TRMT2B: variants seen among roughly 807,000 people sequenced by gnomAD.
TRMT2B encodes tRNA methyltransferase 2B, also known as tRNA (uracil-5-)-methyltransferase homolog B.
In TRMT2B, 34 loss-of-function variants were observed where a neutral mutation model predicts 39.7. The observed-to-expected ratio is 0.86, with a 90% CI of 0.65 to 1.14. The LOEUF (loss-of-function observed/expected upper bound fraction) is 1.14. Ranked by LOEUF, TRMT2B falls within the 50% of genes most tolerant of loss-of-function variation. The pLI is 0.00. For synonymous variants in TRMT2B, 132 were observed against 137.3 expected, an observed-to-expected ratio of 0.96 and a Z score of 0.27; for missense variants, 318 against 377.2, an observed-to-expected ratio of 0.84 and a Z score of 1.30.
chrX:100,990,543 C>T, the TRMT2B span: 1 of 1,132,194 alleles, frequency 8.8e-7, no homozygotes, highest in Non-Finnish European at 1.2e-6. Context: ...CCTGTTGTTC[C>T]TGTATATCTA....
chrX:101,035,540 A>C, intron 7 of TRMT2B, 73 bp downstream of exon 7: 1 of 964,052 alleles, frequency 1.0e-6, no homozygotes, highest in Non-Finnish European at 1.5e-6. Context: ...TCTATTATCA[A>C]AATGTCAGGG....
intron 2 of TRMT2B, among the ~76,000 whole-genome samples, chrX:101,045,284 G>A (rs1346984983): frequency 2.8e-5 from 3 of 107,791 alleles, no homozygotes; most frequent in Non-Finnish European, 5.7e-5. Flanking sequence ...GAGAAACCCC[G>A]TCTCTACTAA....
At chrX:101,002,518 G>A in the TRMT2B span, among the ~76,000 whole-genome samples, 3 of 111,570 alleles carry the variant, frequency 2.7e-5, no homozygotes, top group African/African-American at 6.5e-5. Flanking sequence ...AGTGGCTCAC[G>A]CCTGTAATCC....
chrX:101,012,626 C>G (rs1461698199), intron 13 of TRMT2B, among the ~76,000 whole-genome samples: 10 of 109,746 alleles, frequency 9.1e-5, no homozygotes, highest in Non-Finnish European at 1.7e-4. Flanking sequence ...AATCATGCTG[C>G]TATAAAGACA....
chrX:100,997,715 C>T, the TRMT2B span, among the ~76,000 whole-genome samples: 1 of 111,925 alleles, frequency 8.9e-6, no homozygotes, highest in Non-Finnish European at 1.9e-5. Flanking sequence ...TAGCACTTCT[C>T]GCAGTAGTAC....
At chrX:101,025,183 T>C (rs1301059282) in intron 7 of TRMT2B, among the ~76,000 whole-genome samples, 1 of 112,026 alleles carries the variant, frequency 8.9e-6, no homozygotes, top group African/African-American at 3.2e-5. Flanking sequence ...AGTTTATTTA[T>C]GGAAAATAAT....
At chrX:100,990,712 G>A in the TRMT2B span, 1 of 697,939 alleles carries the variant, frequency 1.4e-6, no homozygotes, top group Non-Finnish European at 2.2e-6. Context: ...TAAGTCATGG[G>A]TGATCAACCA....
At chrX:101,013,002 G>A (rs1289796814) in intron 13 of TRMT2B, among the ~76,000 whole-genome samples, 1 of 110,332 alleles carries the variant, frequency 9.1e-6, no homozygotes, top group Non-Finnish European at 1.9e-5. Context: ...TTCTATTTTA[G>A]TAGAGACGGG....
the TRMT2B span, among the ~76,000 whole-genome samples, chrX:101,003,452 G>A: frequency 9.5e-4 from 103 of 108,133 alleles, 1 homozygote; most frequent in African/African-American, 3.3e-3. Flanking sequence ...GGGTTCAAGC[G>A]ATTCTCCTGC....
chrX:100,986,737 G>T, the TRMT2B span: 1 of 758,101 alleles, frequency 1.3e-6, no homozygotes, highest in East Asian at 3.4e-5. Context: ...CTCGCCTTTT[G>T]CTTCTGTTTT....
At chrX:101,040,239 A>G (rs2088142111) in intron 4 of TRMT2B, among the ~76,000 whole-genome samples, 2 of 108,500 alleles carry the variant, frequency 1.8e-5, no homozygotes, top group South Asian at 8.2e-4. Flanking sequence ...GGTTGCAGTG[A>G]GCTGAGATCA....
chrX:101,019,177 A>G (rs2086672478), intron 12 of TRMT2B, 107 bp from the exon 13 acceptor site: 1 of 1,140,885 alleles, frequency 8.8e-7, no homozygotes, highest in African/African-American at 1.8e-5. Context: ...TAGAGGGGAA[A>G]CAGGTTCAGA....
chrX:101,042,104 T>C lies in TRMT2B; in HGVS notation c.186A>G (p.Lys62=), dbSNP rs768710234. Residue 62 remains lysine (K), a synonymous_variant, in exon 3 of 14, where the codon AAA becomes AAG. Transcript: ENST00000372936. ...TTGGTTTCTTCTGACTTTTTTGTCC[T>C]TTCTGACATTTCGTGGCTATCACAC... ...FTRVIATKCQ[K]GQKSQKKPSH... 2.8e-5 allele frequency: 34 copies of C among 1,210,795 alleles called. No homozygotes were observed. Among genetic ancestry groups the C allele is most frequent in the Non-Finnish European group, 3.7e-5 (33 of 895,428 alleles).
chrX:101,043,893 C>G (rs1427384423), intron 2 of TRMT2B, among the ~76,000 whole-genome samples: 1 of 111,979 alleles, frequency 8.9e-6, no homozygotes, highest in Non-Finnish European at 1.9e-5. Context: ...GTGAAGGTAA[C>G]AGTGAGATGA....
intron 13 of TRMT2B, among the ~76,000 whole-genome samples, chrX:101,012,645 C>T (rs191013286): frequency 2.0e-4 from 22 of 109,780 alleles, no homozygotes; most frequent in Middle Eastern, 4.6e-3. Context: ...CACATGCACA[C>T]GTATGTTTAT....
Position 101,035,573 on chromosome X carries a change from T to A in TRMT2B, c.609+40A>T, listed in dbSNP as rs112676266. On this transcript the variant is annotated intron_variant, in intron 7 of 13. Coordinates refer to ENST00000372936, the MANE Select transcript of TRMT2B (RefSeq NM_024917.6). ...GGGATGTTGCTGTTGTAGACTACAA[T>A]GCTCCAGGCCATTCTCAACCAGCTC... 1.2e-5 allele frequency: 14 copies of A among 1,129,889 alleles called. No homozygotes were observed. In the African/African-American group the frequency reaches 1.4e-4, roughly 12 times the overall value. 93.1% of individuals were successfully genotyped at this position (1,129,889 alleles called of 1,213,427 possible). A position where few individuals can be genotyped will look rare whatever the true frequency, so the allele number is the denominator to read the frequency against.
intron 7 of TRMT2B, among the ~76,000 whole-genome samples, chrX:101,024,058 G>C (rs1009195791): frequency 1.8e-5 from 2 of 110,617 alleles, no homozygotes; most frequent in African/African-American, 3.3e-5. Flanking sequence ...ATGTTGGCCA[G>C]GCTGGTCACA....
At chrX:100,986,739 TTC>T in the TRMT2B span, 1 of 800,596 alleles carries the variant, frequency 1.2e-6, no homozygotes, top group Non-Finnish European at 1.8e-6. Context: ...CGCCTTTTGC[TTC>T]TGTTTTGGTT....
Position 101,051,845 on chromosome X carries a change from A to C in TRMT2B, c.-535T>G. 6.0e-6 allele frequency: 2 copies of C among 332,965 alleles called. No individual in the cohort carries two copies. The highest frequency in any genetic ancestry group is 7.9e-6 in the Non-Finnish European group (2 of 253,899). The allele number at this position is 332,965 out of a possible 1,213,427, so 27.4% of individuals were successfully genotyped here. ...AGGCGGCAAACTAAAAGGCCAGCGG[A>C]TGGCCTGGTTTGCTGCGGCGGGGAA... is the stretch of plus-strand genomic sequence containing the variant. On this transcript the variant is annotated 5_prime_UTR_variant, in exon 1 of 14. Coordinates refer to ENST00000372936, the MANE Select transcript of TRMT2B (RefSeq NM_024917.6).
Sources: gnomAD v4.1 joint callset for allele counts (sites outside exome capture counted in the v4.1 genomes callset) on GRCh38, gnomAD v4.1.1 for gene constraint, MANE v1.5 for transcripts, NCBI Gene and HGNC (gene_info 2026-07-23, HGNC 2026-07-21) for gene names.